Variants in PRKCB observed in about 807,000 individuals in gnomAD.
The protein encoded by PRKCB is protein kinase C beta type.
A neutral mutation model predicts 81.5 loss-of-function variants in PRKCB; 13 were observed. That is an observed-to-expected ratio of 0.16 (90% CI 0.10 to 0.25). The LOEUF (loss-of-function observed/expected upper bound fraction) is 0.25. Among genes scored for constraint, PRKCB ranks in the 10% least tolerant of loss-of-function variants. The probability of loss-of-function intolerance (pLI) is 1.00; values close to 1 mark genes in which losing one functional copy is unlikely to be tolerated. For synonymous variants in PRKCB, 335 were observed against 321.4 expected (o/e 1.04, Z -0.45); for missense variants, 509 against 875.7 (o/e 0.58, Z 5.29).
intron 9 of PRKCB, among the ~76,000 whole-genome samples, chr16:24,131,285 A>G (rs1966853037): frequency 6.6e-6 from 1 of 152,266 alleles, no homozygotes; most frequent in Non-Finnish European, 1.5e-5. Flanking sequence ...GGTGAGAGAC[A>G]GAACCATTAA....
intron 2 of PRKCB, among the ~76,000 whole-genome samples, chr16:23,966,123 C>A (rs1964483800): frequency 6.6e-6 from 1 of 152,202 alleles, no homozygotes; most frequent in African/African-American, 2.4e-5. Flanking sequence ...GGAACGTCTG[C>A]GCAAAGTGGC....
At chr16:24,139,686 C>A (rs939882146) in intron 9 of PRKCB, among the ~76,000 whole-genome samples, 2 of 152,202 alleles carry the variant, frequency 1.3e-5, no homozygotes, top group African/African-American at 4.8e-5. Context: ...CTTAATGCAA[C>A]CTGTCAATCT....
At chr16:24,176,658 C>T (rs1261436399) in intron 12 of PRKCB, among the ~76,000 whole-genome samples, 9 of 152,050 alleles carry the variant, frequency 5.9e-5, no homozygotes, top group Middle Eastern at 3.2e-3. Flanking sequence ...ATAGGGAGGC[C>T]GAGGCAGGCG....
At chr16:24,131,625 A>T (rs1338661763) in intron 9 of PRKCB, among the ~76,000 whole-genome samples, 1 of 152,224 alleles carries the variant, frequency 6.6e-6, no homozygotes, top group Non-Finnish European at 1.5e-5. Context: ...AGTGACTTTA[A>T]CTTGACTTCC....
At chr16:23,934,051 A>ATCCATCCC in intron 2 of PRKCB, among the ~76,000 whole-genome samples, 1 of 151,690 alleles carries the variant, frequency 6.6e-6, no homozygotes, top group Non-Finnish European at 1.5e-5. Context: ...CCATCCATCC[A>ATCCATCCC]TCCACCCATT....
intron 2 of PRKCB, among the ~76,000 whole-genome samples, chr16:23,930,126 T>C (rs1963950040): frequency 6.6e-6 from 1 of 152,118 alleles, no homozygotes; most frequent in South Asian, 2.1e-4. Context: ...AAAGCTTTAA[T>C]CTGGGGGAAG....
intron 10 of PRKCB, among the ~76,000 whole-genome samples, chr16:24,158,530 G>GTATATGTATATT (rs1403031464): frequency 1.0e-4 from 5 of 48,152 alleles, no homozygotes; most frequent in Admixed American, 5.4e-4. Context: ...AAAAAAACAT[G>GTATATGTATATT]TATATGTATA....
chr16:24,106,437 C>T (rs1966579553), intron 7 of PRKCB, among the ~76,000 whole-genome samples: 1 of 152,082 alleles, frequency 6.6e-6, no homozygotes, highest in South Asian at 2.1e-4. Flanking sequence ...ACTATTGACC[C>T]TATAGAGAGA....
chr16:24,044,337 G>T (rs1965739842), intron 5 of PRKCB, among the ~76,000 whole-genome samples: 2 of 152,122 alleles, frequency 1.3e-5, no homozygotes, highest in Admixed American at 1.3e-4. Context: ...ACTACAGCCT[G>T]GGTGATAGAG....
At chr16:23,926,359 C>CT (rs752793198) in intron 2 of PRKCB, among the ~76,000 whole-genome samples, 7 of 151,918 alleles carry the variant, frequency 4.6e-5, no homozygotes, top group African/African-American at 7.2e-5. Flanking sequence ...TGGCGGGTGC[C>CT]TGTAGTCCCA....
intron 5 of PRKCB, among the ~76,000 whole-genome samples, chr16:24,045,933 C>T (rs189247156): frequency 3.3e-4 from 50 of 152,358 alleles, no homozygotes; most frequent in African/African-American, 1.2e-3. Flanking sequence ...CCTCCAGCCC[C>T]GCGTTGGCCA....
intron 2 of PRKCB, among the ~76,000 whole-genome samples, chr16:23,920,159 A>T (rs1026868305): frequency 1.3e-5 from 2 of 152,186 alleles, no homozygotes; most frequent in African/African-American, 4.8e-5. Context: ...AGCACATGTT[A>T]TTTTCTTTTT....
At chr16:23,923,419 C>T (rs1963853342) in intron 2 of PRKCB, among the ~76,000 whole-genome samples, 1 of 152,038 alleles carries the variant, frequency 6.6e-6, no homozygotes, top group South Asian at 2.1e-4. Context: ...TGTTATATCT[C>T]ACAGGCTCTA....
intron 2 of PRKCB, among the ~76,000 whole-genome samples, chr16:23,974,493 C>T (rs72779914): frequency 0.051 from 7,804 of 152,112 alleles, 260 homozygotes; most frequent in Non-Finnish European, 0.074. Context: ...AGGAAGGGGC[C>T]AAGAGGGCAG....
intron 2 of PRKCB, among the ~76,000 whole-genome samples, chr16:23,844,275 A>G (rs778411366): frequency 6.6e-6 from 1 of 152,200 alleles, no homozygotes. Flanking sequence ...AATTCCATAG[A>G]TAGAATGTTA....
intron 2 of PRKCB, among the ~76,000 whole-genome samples, chr16:23,837,799 T>G (rs1962193257): frequency 1.3e-5 from 2 of 152,202 alleles, no homozygotes; most frequent in African/African-American, 4.8e-5. Flanking sequence ...CCAGGGAGGT[T>G]CTGCCTCTCC....
At chr16:23,933,801 T>TCCAC (rs1567318427) in intron 2 of PRKCB, among the ~76,000 whole-genome samples, 1 of 140,994 alleles carries the variant, frequency 7.1e-6, no homozygotes, top group Admixed American at 6.9e-5. Flanking sequence ...CATCCATCCA[T>TCCAC]CCATCCACCC....
chr16:24,165,604 C>A (rs905783571), intron 10 of PRKCB, among the ~76,000 whole-genome samples: 1 of 152,120 alleles, frequency 6.6e-6, no homozygotes, highest in Non-Finnish European at 1.5e-5. Flanking sequence ...CCTGGTGGTA[C>A]ATGAACACAT....
intron 9 of PRKCB, among the ~76,000 whole-genome samples, chr16:24,139,982 A>T (rs1375866937): frequency 6.6e-6 from 1 of 152,150 alleles, no homozygotes; most frequent in Non-Finnish European, 1.5e-5. Context: ...GTACGTCTTC[A>T]CTTGGCAGAG....
Sources: gnomAD v4.1 joint callset for allele counts (sites outside exome capture counted in the v4.1 genomes callset) on GRCh38, gnomAD v4.1.1 for gene constraint, MANE v1.5 for transcripts, NCBI Gene and HGNC (gene_info 2026-07-23, HGNC 2026-07-21) for gene names.